FANCI: variants seen among roughly 807,000 people sequenced by gnomAD.
FANCI encodes the protein Fanconi anemia group I protein.
In FANCI, 156 loss-of-function variants were observed where a neutral mutation model predicts 176.1. That is an observed-to-expected ratio of 0.89 (90% CI 0.78 to 1.01). The LOEUF (loss-of-function observed/expected upper bound fraction) is 1.01, where lower values mean the gene tolerates loss of function less well. Among genes scored for constraint, FANCI ranks in the 50% least tolerant of loss-of-function variants. FANCI has a pLI of 0.00. For missense variants in FANCI, 1,678 were observed against 1,534.1 expected, an observed-to-expected ratio of 1.09 and a Z score of -1.57; for synonymous variants, 613 against 541.7, an observed-to-expected ratio of 1.13 and a Z score of -1.83.
chr15:89,265,587 G>A (rs944832518), intron 9 of FANCI, among the ~76,000 whole-genome samples: 1 of 150,322 alleles, frequency 6.7e-6, no homozygotes, highest in Non-Finnish European at 1.5e-5. Flanking sequence ...GCAGTGGTAC[G>A]ATCTCGGCTC....
At chr15:89,282,303 T>TA (rs2053645010) in intron 16 of FANCI, 1 of 180,656 alleles carries the variant, frequency 5.5e-6, no homozygotes, top group East Asian at 1.4e-4. Flanking sequence ...CTTAAGAATC[T>TA]CATTTTAGTG....
At chr15:89,272,547 C>T (rs1190534571) in intron 10 of FANCI, among the ~76,000 whole-genome samples, 1 of 152,008 alleles carries the variant, frequency 6.6e-6, no homozygotes, top group Non-Finnish European at 1.5e-5. Context: ...TGTATGTAAG[C>T]AATCTTTACT....
chr15:89,247,454 GC>G, intron 1 of FANCI, 174 bp from the exon 2 acceptor site: 1 of 606,094 alleles, frequency 1.6e-6, no homozygotes, highest in Non-Finnish European at 2.9e-6. Flanking sequence ...GAATCATCTT[GC>G]CACTGAGCTT....
In FANCI at chr15:89,295,025, C is replaced by T. The variant is rs1428533710; in HGVS notation, c.2567C>T (p.Thr856Ile). ...CAGAAAGTACAGCAGCTAAAGGAAA[C>T]AGGGCATGTGAGTGGCCCTGATGGC... ...ALQKVQQLKE[T>I]GHVSGPDGQN... Residue 856 changes from threonine (T) to isoleucine (I), a missense_variant, in exon 24 of 38, where the codon ACA becomes ATA. By Grantham distance (89) the Thr-to-Ile change is moderately conservative. Around this residue, in one of 3 missense-constraint regions of FANCI, gnomAD observed 1,204 missense variants for 1,077.4 expected, o/e 1.12. Transcript: ENST00000310775. The T allele has an allele frequency of 6.4e-7, 1 of 1,552,232 alleles. No individual in the cohort carries two copies. The highest frequency in any genetic ancestry group is 8.7e-7 in the Non-Finnish European group (1 of 1,147,124).
In FANCI at chr15:89,306,177, A is replaced by T. The variant is rs1276863881; in HGVS notation, c.3520A>T (p.Thr1174Ser). 1.2e-6 allele frequency: 2 copies of T among 1,614,128 alleles called. No homozygotes were observed. Among genetic ancestry groups the T allele is most frequent in the African/African-American group, 2.7e-5 (2 of 75,036 alleles). Residue 1174 changes from threonine (T) to serine (S), a missense_variant, in exon 32 of 38, where the codon ACA becomes TCA. Transcript: ENST00000310775. ...KDLCKMYTTL[T>S]ALVRYYLQVC... ...CTTGTGCAAAATGTACACCACACTT[A>T]CAGCCCTTGTCAGATATGTGAGTAT...
intron 27 of FANCI, 95 bp from the exon 28 acceptor site, chr15:89,303,769 C>G (rs2151895166): frequency 1.9e-6 from 2 of 1,059,276 alleles, no homozygotes; most frequent in African/African-American, 1.5e-5. Flanking sequence ...AGCTGATTTG[C>G]TTAGATATGG....
intron 31 of FANCI, 35 bp downstream of exon 31, chr15:89,305,733 C>T (rs545548383): frequency 1.9e-5 from 31 of 1,595,792 alleles, no homozygotes; most frequent in Non-Finnish European, 2.5e-5. Flanking sequence ...CAGGAATTGA[C>T]ATGAGCAAGG....
At chr15:89,249,829 A>C (rs2052159885) in intron 2 of FANCI, among the ~76,000 whole-genome samples, 1 of 152,238 alleles carries the variant, frequency 6.6e-6, no homozygotes, top group African/African-American at 2.4e-5. Flanking sequence ...GGATAACTAA[A>C]TAAAGCACAG....
chr15:89,296,980 A>G (rs559643724), intron 24 of FANCI, among the ~76,000 whole-genome samples: 3,609 of 105,076 alleles, frequency 0.034, 250 homozygotes, highest in African/African-American at 0.12. Flanking sequence ...GACCCCCCCC[A>G]CCTCCCTCCC....
At chr15:89,268,318 G>A (rs753200241) in intron 9 of FANCI, 81 bp from the exon 10 acceptor site, 33 of 1,503,556 alleles carry the variant, frequency 2.2e-5, no homozygotes, top group South Asian at 9.0e-5. Context: ...TGATGCGCCC[G>A]CCTTGGCCTC....
At chr15:89,253,436 C>T (rs1376946389) in intron 2 of FANCI, among the ~76,000 whole-genome samples, 1 of 151,984 alleles carries the variant, frequency 6.6e-6, no homozygotes, top group African/African-American at 2.4e-5. Context: ...ATCGCTTGAG[C>T]CACGAGGTTC....
intron 24 of FANCI, among the ~76,000 whole-genome samples, chr15:89,295,996 C>G (rs188808947): frequency 1.3e-5 from 2 of 152,054 alleles, no homozygotes; most frequent in African/African-American, 2.4e-5. Flanking sequence ...GAGACAGGGT[C>G]TTGCTCTGTC....
Position 89,316,967 on chromosome 15 carries a change from T to C in FANCI, c.*508T>C. 2 of 705,236 alleles carry C rather than the reference T, an allele frequency of 2.8e-6. No homozygotes were observed. Among genetic ancestry groups the C allele is most frequent in the Non-Finnish European group, 2.6e-6 (1 of 385,748 alleles). 43.7% of individuals were successfully genotyped at this position (705,236 alleles called of 1,614,324 possible). A position where few individuals can be genotyped will look rare whatever the true frequency, so the allele number is the denominator to read the frequency against. ...AATTGCCACGAACGGTAATGTTACA[T>C]GTTAGGAGGGTCTGTTTTCTTTTTA... On this transcript the variant is annotated 3_prime_UTR_variant, in exon 38 of 38. Transcript: ENST00000310775.
In FANCI at chr15:89,278,772, T is replaced by C. The variant is rs1248810854; in HGVS notation, c.1379T>C (p.Leu460Ser). 5 of 1,610,194 alleles carry C rather than the reference T, an allele frequency of 3.1e-6. No homozygotes were observed. The highest frequency in any genetic ancestry group is 1.7e-6 in the Non-Finnish European group (2 of 1,176,490). ...TRASSPISHF[L>S]DLLSNIVMYA... is the part of the protein sequence containing the mutation. ...GCATCTTCTCCCATCAGTCATTTCTTAGGTATTCAACTTTGAAAGAATGAA... is the reference window on the plus strand; with the variant it reads ...GCATCTTCTCCCATCAGTCATTTCTCAGGTATTCAACTTTGAAAGAATGAA... The change falls in exon 14 of 38, where the codon TTA (leucine) becomes TCA (serine). Residue 460 changes from leucine to serine, a missense_variant and splice_region_variant. Transcript: ENST00000310775.
chr15:89,294,010 T>C lies in FANCI; in HGVS notation c.2456+13T>C. 1 of 1,614,062 alleles carries C rather than the reference T, an allele frequency of 6.2e-7. No homozygotes were observed. The highest frequency in any genetic ancestry group is 8.5e-7 in the Non-Finnish European group (1 of 1,179,972). ...CTGCTCTTTTCAGGTAAGGTTCTGC[T>C]AGAGTGCTTAAAGACAGCCACTCCC... On this transcript the variant is annotated intron_variant, in intron 23 of 37. Transcript: ENST00000310775.
rs746745862 is a variant in FANCI at position 89,285,077 on chromosome 15, TG to T, written c.1699-17del. 5.4e-5 allele frequency: 87 copies of T among 1,613,932 alleles called. 1 individual carries two copies. The East Asian group carries it at 1.3e-3, about 24-fold the overall frequency. The stretch of plus-strand genomic sequence containing the variant: ...CAGCTTTGGTAAGATAGACGTGAAT[TG>T]GCCTGTCTTCCTTTCAGGTTCATGT... On this transcript the variant is annotated intron_variant, in intron 17 of 37. Transcript: ENST00000310775.
At chr15:89,291,878 G>T (rs1189635097) in intron 20 of FANCI, among the ~76,000 whole-genome samples, 164 bp downstream of exon 20, 3 of 152,074 alleles carry the variant, frequency 2.0e-5, no homozygotes, top group Non-Finnish European at 4.4e-5. Context: ...TATCATTTTG[G>T]ATCTATTGGT....
chr15:89,290,241 C>G lies in FANCI; in HGVS notation c.1850C>G (p.Ser617Cys), dbSNP rs749295501. 11 of 1,613,860 alleles carry G rather than the reference C, an allele frequency of 6.8e-6. No individual in the cohort carries two copies. In the East Asian group the frequency reaches 2.2e-4, roughly 33 times the overall value. Residue 617 changes from serine (S) to cysteine (C), a missense_variant, in exon 19 of 38, where the codon TCT (serine) becomes TGT (cysteine). Transcript: ENST00000310775. ...EGFYDVLRRN[S>C]QLANSVMQTL... ...TTTTATGATGTTCTTCGAAGGAACT[C>G]TCAGCTGGCTAATTCAGTCATGCAA...
intron 26 of FANCI, 131 bp from the exon 27 acceptor site, chr15:89,301,195 T>G (rs2054513100): frequency 2.6e-6 from 2 of 759,880 alleles, no homozygotes; most frequent in Admixed American, 1.8e-5. Context: ...TTTCAGATTT[T>G]ATCCTCTTAG....
Sources: allele counts gnomAD v4.1 joint callset (sites outside exome capture counted in the v4.1 genomes callset), GRCh38; gene constraint gnomAD v4.1.1; regional missense constraint gnomAD v4.1.1; transcripts MANE v1.5; gene names NCBI Gene and HGNC (gene_info 2026-07-23, HGNC 2026-07-21).